Variants in ANKFY1 observed in about 807,000 individuals in gnomAD.
ANKFY1 encodes ankyrin repeat and FYVE domain-containing protein 1.
Under a neutral mutation model 128.3 loss-of-function variants are expected in ANKFY1, and 47 were observed. The ratio of observed to expected loss-of-function variants is 0.37; its 90% CI spans 0.29 to 0.47. The LOEUF (loss-of-function observed/expected upper bound fraction) is 0.47. Ranked by LOEUF, ANKFY1 falls within the 20% of genes least tolerant of loss-of-function variation. The pLI, the probability that ANKFY1 is intolerant of heterozygous loss-of-function variation, is 1.00. For synonymous variants in ANKFY1, 553 were observed against 601.6 expected (o/e 0.92, Z 1.18); for missense variants, 1,222 against 1,510.6 (o/e 0.81, Z 3.17).
chr17:4,218,144 A>C (rs1176293283), intron 3 of ANKFY1, among the ~76,000 whole-genome samples: 5 of 152,216 alleles, frequency 3.3e-5, no homozygotes, highest in Non-Finnish European at 1.5e-5. Context: ...ATCAGAGTAC[A>C]TTTTTTTATC....
intron 3 of ANKFY1, among the ~76,000 whole-genome samples, chr17:4,221,183 T>G (rs528122651): frequency 6.6e-6 from 1 of 152,332 alleles, no homozygotes; most frequent in South Asian, 2.1e-4. Flanking sequence ...AATTAACCAT[T>G]AAATGAAACA....
In ANKFY1 at chr17:4,183,894, G is replaced by A. The variant is rs2059563048; in HGVS notation, c.1716C>T (p.Ala572=). 6 of 1,613,134 alleles carry A rather than the reference G, an allele frequency of 3.7e-6. No homozygotes were observed. Among genetic ancestry groups the A allele is most frequent in the South Asian group, 1.1e-5 (1 of 91,066 alleles). Residue 572 remains alanine (A), a synonymous_variant, in exon 13 of 25, where the codon GCC becomes GCT. Coordinates refer to ENST00000341657, the MANE Select transcript of ANKFY1 (RefSeq NM_001330063.2). ...CCGGAATGATCTGCAAGTTGTTGGT[G>A]GCATGAAGAGCATTGGCTAAATGTT... The part of the protein sequence containing the change: ...ILEQKANALH[A]TNNLQIIPDF...
chr17:4,219,492 C>A (rs2060274280), intron 3 of ANKFY1, among the ~76,000 whole-genome samples: 1 of 152,164 alleles, frequency 6.6e-6, no homozygotes, highest in African/African-American at 2.4e-5. Context: ...AGAAACCGTA[C>A]TTGATTCTTG....
intron 10 of ANKFY1, among the ~76,000 whole-genome samples, chr17:4,194,080 C>A (rs899551510): frequency 7.4e-6 from 1 of 135,902 alleles, no homozygotes; most frequent in Non-Finnish European, 1.6e-5. Flanking sequence ...AGCTACCACG[C>A]CCGGCCATAT....
intron 3 of ANKFY1, among the ~76,000 whole-genome samples, chr17:4,226,742 CAAA>C (rs35786963): frequency 7.3e-5 from 5 of 68,270 alleles, no homozygotes; most frequent in Admixed American, 3.4e-4. Flanking sequence ...GACTCCATCT[CAAA>C]AAAAAAAAAA....
At chr17:4,204,908 T>C (rs1216238218) in intron 7 of ANKFY1, among the ~76,000 whole-genome samples, 1 of 152,160 alleles carries the variant, frequency 6.6e-6, no homozygotes, top group East Asian at 1.9e-4. Context: ...AAGGATTTCC[T>C]ACCCAGTGAT....
intron 6 of ANKFY1, among the ~76,000 whole-genome samples, chr17:4,207,295 A>G (rs1213091794): frequency 6.6e-6 from 1 of 152,236 alleles, no homozygotes; most frequent in Non-Finnish European, 1.5e-5. Context: ...GAGATGTGAC[A>G]TGAGAAGCAC....
In ANKFY1 at chr17:4,263,746, G is replaced by C. The variant is rs749306531; in HGVS notation, c.10+186C>G. 1.6e-5 allele frequency: 24 copies of C among 1,501,820 alleles called. 2 individuals carry two copies. The South Asian group carries it at 3.1e-4, about 19-fold the overall frequency. The allele number at this position is 1,501,820 out of a possible 1,614,324, so 93.0% of individuals were successfully genotyped here. Reference sequence around the variant, plus strand: ...GGGTCGGCATCGCGGGAGGGACGTTGTCATAGGAACCGCGCTCCGGACCCC... The same window carrying C: ...GGGTCGGCATCGCGGGAGGGACGTTCTCATAGGAACCGCGCTCCGGACCCC... On this transcript the variant is annotated intron_variant, in intron 1 of 24. Coordinates refer to ENST00000341657, the MANE Select transcript of ANKFY1 (RefSeq NM_001330063.2).
chr17:4,240,064 CTTTTTTT>C (rs11290920), intron 2 of ANKFY1, among the ~76,000 whole-genome samples: 1 of 114,236 alleles, frequency 8.8e-6, no homozygotes. Context: ...ATTAGCATGC[CTTTTTTT>C]TTTTTTTTTT....
At chr17:4,238,083 T>G (rs1966999905) in intron 2 of ANKFY1, among the ~76,000 whole-genome samples, 1 of 151,184 alleles carries the variant, frequency 6.6e-6, no homozygotes. Context: ...TCCCAGCACT[T>G]TGGGAGGCCA....
In ANKFY1 at chr17:4,178,636, C is replaced by T; in HGVS notation, c.2598+221G>A. ...CGATGGAGCCCACTGCCTCCGCTTC[C>T]ATCGAAGCCGGGCACTGTCAGGCGC... On this transcript the variant is annotated intron_variant, in intron 18 of 24. Coordinates refer to ENST00000341657, the MANE Select transcript of ANKFY1 (RefSeq NM_001330063.2). The surrounding 1 kb of genome is among the most constrained non-coding windows in gnomAD (Gnocchi z 4.1). 1 of 580,802 alleles carries T rather than the reference C, an allele frequency of 1.7e-6. No homozygotes were observed. 36.0% of individuals were successfully genotyped at this position (580,802 alleles called of 1,614,324 possible).
intron 10 of ANKFY1, among the ~76,000 whole-genome samples, chr17:4,190,199 T>C (rs1349846783): frequency 1.1e-4 from 17 of 152,106 alleles, no homozygotes; most frequent in Admixed American, 1.1e-3. Flanking sequence ...CCAGCACTTT[T>C]GGAGGCCGAG....
chr17:4,211,993 G>A (rs1224368172), intron 4 of ANKFY1, among the ~76,000 whole-genome samples: 4 of 152,102 alleles, frequency 2.6e-5, no homozygotes. Context: ...AGCAAAAGCA[G>A]GACCACATTG....
chr17:4,206,390 T>C lies in ANKFY1; in HGVS notation c.829A>G (p.Ser277Gly). The change falls in exon 7 of 25, where the codon AGT (serine) becomes GGT (glycine). Residue 277 changes from serine (S) to glycine (G), a missense_variant. Coordinates refer to ENST00000341657, the MANE Select transcript of ANKFY1 (RefSeq NM_001330063.2). ...ACCATGTCCACATCAGCTTTGTGAC[T>C]AACCAGCGTGGTGGCAATACTCTCC... ...RLESIATTLV[S>G]HKADVDMVDK... 24 of 1,614,232 alleles carry C rather than the reference T, an allele frequency of 1.5e-5. No homozygotes were observed. Among genetic ancestry groups the C allele is most frequent in the Non-Finnish European group, 1.9e-5 (23 of 1,180,036 alleles).
intron 4 of ANKFY1, among the ~76,000 whole-genome samples, chr17:4,212,590 T>G (rs745974543): frequency 1.3e-5 from 2 of 152,130 alleles, no homozygotes; most frequent in African/African-American, 2.4e-5. Context: ...GGAAATCACT[T>G]AATTTTAATA....
chr17:4,225,927 A>AT (rs1354885364), intron 3 of ANKFY1, among the ~76,000 whole-genome samples: 12 of 152,008 alleles, frequency 7.9e-5, no homozygotes, highest in Admixed American at 1.3e-4. Flanking sequence ...CACCTGGCTA[A>AT]TTTTTTTGCA....
In ANKFY1 at chr17:4,183,429, G is replaced by T; in HGVS notation, c.1921C>A (p.Leu641Met). The change falls in exon 14 of 25, where the codon CTG becomes ATG. Residue 641 changes from leucine to methionine, a missense_variant. Physicochemically the swap from Leu to Met is conservative, Grantham distance 15. Coordinates refer to ENST00000341657, the MANE Select transcript of ANKFY1 (RefSeq NM_001330063.2). The part of the protein sequence containing the change: ...QRQDSKSALF[L>M]LEHQADINVR... ...TTTATATCTGCCTGGTGCTCCAGCA[G>T]GAAGAGTGCGCTCTTGCTGTCCTGC... The T allele has an allele frequency of 1.2e-6, 2 of 1,613,940 alleles. No individual in the cohort carries two copies. Among genetic ancestry groups the T allele is most frequent in the Non-Finnish European group, 1.7e-6 (2 of 1,180,030 alleles).
At chr17:4,193,645 C>T (rs1288187816) in intron 10 of ANKFY1, among the ~76,000 whole-genome samples, 7 of 151,910 alleles carry the variant, frequency 4.6e-5, no homozygotes, top group African/African-American at 9.7e-5. Flanking sequence ...AGGATGGTCT[C>T]GAACTCCTGA....
chr17:4,218,249 G>A (rs1258306967), intron 3 of ANKFY1, among the ~76,000 whole-genome samples: 2 of 152,088 alleles, frequency 1.3e-5, no homozygotes, highest in Admixed American at 6.5e-5. Context: ...GACAGATAAA[G>A]AAAAATGTAC....
Sources: allele counts gnomAD v4.1 joint callset (sites outside exome capture counted in the v4.1 genomes callset), GRCh38; gene constraint gnomAD v4.1.1; non-coding constraint Gnocchi (gnomAD v3.1); transcripts MANE v1.5; gene names NCBI Gene and HGNC (gene_info 2026-07-23, HGNC 2026-07-21).